PTPRD: variants seen among roughly 807,000 people sequenced by gnomAD.
PTPRD encodes the protein receptor-type tyrosine-protein phosphatase delta.
In PTPRD, 34 loss-of-function variants were observed where a neutral mutation model predicts 214.5. The observed-to-expected ratio is 0.16, with a 90% CI of 0.12 to 0.21. PTPRD has a LOEUF of 0.21. Ranked by LOEUF, PTPRD falls within the 10% of genes least tolerant of loss-of-function variation. The pLI is 1.00. For missense variants in PTPRD, 2,545 were observed against 2,398.7 expected, an observed-to-expected ratio of 1.06 and a Z score of -1.27; for synonymous variants, 1,128 against 845.7, an observed-to-expected ratio of 1.33 and a Z score of -5.79.
At chr9:9,220,260 C>A (rs955267519) in intron 9 of PTPRD, among the ~76,000 whole-genome samples, 1 of 150,420 alleles carries the variant, frequency 6.6e-6, no homozygotes, top group African/African-American at 2.4e-5. Flanking sequence ...TCTTTTAGTG[C>A]TCTGCCTATG....
At chr9:9,274,078 A>AT (rs745852795) in intron 9 of PTPRD, among the ~76,000 whole-genome samples, 20 of 151,110 alleles carry the variant, frequency 1.3e-4, no homozygotes, top group Non-Finnish European at 2.4e-4. Flanking sequence ...CCTGTATACT[A>AT]TTTTTTTAAA....
chr9:10,540,266 G>C (rs571545224), intron 2 of PTPRD, among the ~76,000 whole-genome samples: 1 of 152,148 alleles, frequency 6.6e-6, no homozygotes, highest in Non-Finnish European at 1.5e-5. Context: ...GACCTAAAGT[G>C]ATCTTCCTGC....
chr9:10,376,071 G>T (rs751993917), intron 2 of PTPRD, among the ~76,000 whole-genome samples: 1 of 151,846 alleles, frequency 6.6e-6, no homozygotes, highest in Non-Finnish European at 1.5e-5. Flanking sequence ...CTGTGTAAGG[G>T]ACTATGGCTG....
intron 4 of PTPRD, among the ~76,000 whole-genome samples, chr9:9,958,558 A>C (rs985220110): frequency 1.3e-5 from 2 of 152,136 alleles, no homozygotes; most frequent in Non-Finnish European, 2.9e-5. Context: ...GCAACAAAAC[A>C]AACAAAAACA....
chr9:9,623,838 G>A (rs2095328494), intron 7 of PTPRD, among the ~76,000 whole-genome samples: 1 of 152,148 alleles, frequency 6.6e-6, no homozygotes, highest in Admixed American at 6.5e-5. Context: ...AAGAAACAGT[G>A]CTTCTTACAA....
chr9:9,845,557 G>A (rs7863526), intron 5 of PTPRD, among the ~76,000 whole-genome samples: 124,386 of 151,620 alleles, frequency 0.82, 51,476 homozygotes, highest in East Asian at 0.93. Flanking sequence ...AAGGACTTCT[G>A]ATATGGCTAG....
chr9:9,058,862 T>C (rs2099701922), intron 10 of PTPRD, among the ~76,000 whole-genome samples: 1 of 152,072 alleles, frequency 6.6e-6, no homozygotes, highest in Non-Finnish European at 1.5e-5. Flanking sequence ...AATAAGGTAA[T>C]GTAATTCCTC....
intron 11 of PTPRD, among the ~76,000 whole-genome samples, chr9:8,816,359 A>G (rs185657302): frequency 2.0e-5 from 3 of 152,334 alleles, no homozygotes; most frequent in East Asian, 3.9e-4. Context: ...TCAGCTATGG[A>G]AAGAATGAGA....
rs530666163 is a variant in PTPRD, at chr9:10,359,767, T to C, written c.-599-18750A>G. On this transcript the variant is annotated intron_variant, in intron 2 of 45. Coordinates refer to ENST00000381196, the MANE Select transcript of PTPRD (RefSeq NM_002839.4). ...TTGCATAAATTATTCTGCTTAACAA[T>C]TTTAGTGTACACTAGGGGATACTGT... is the stretch of plus-strand genomic sequence containing the variant. 2.6e-5 allele frequency among the ~76,000 whole-genome samples: 4 copies of C among 152,286 alleles called. No homozygotes were observed. The South Asian group carries it at 8.3e-4, about 32-fold the overall frequency.
At chr9:10,592,445 T>C (rs1354114290) in intron 2 of PTPRD, among the ~76,000 whole-genome samples, 1 of 151,988 alleles carries the variant, frequency 6.6e-6, no homozygotes, top group Admixed American at 6.6e-5. Context: ...GGAGAAGATA[T>C]TGAAGGACAG....
At chr9:8,569,017 A>G (rs950951537) in intron 14 of PTPRD, among the ~76,000 whole-genome samples, 2 of 152,138 alleles carry the variant, frequency 1.3e-5, no homozygotes, top group Non-Finnish European at 1.5e-5. Flanking sequence ...CTGACTTTAA[A>G]CAAAATCATG....
chr9:9,868,710 A>G (rs1308238384), intron 5 of PTPRD, among the ~76,000 whole-genome samples: 1 of 149,038 alleles, frequency 6.7e-6, no homozygotes, highest in African/African-American at 2.6e-5. Flanking sequence ...GAATATCCTA[A>G]TAATATACTT....
intron 3 of PTPRD, among the ~76,000 whole-genome samples, chr9:10,142,838 T>C (rs291284): frequency 0.97 from 130,090 of 133,624 alleles, 63,347 homozygotes; most frequent in East Asian, 0.99. Context: ...ATGTTTATTG[T>C]GGCATTATTC....
chr9:8,965,781 T>C (rs2099190237), intron 11 of PTPRD, among the ~76,000 whole-genome samples: 1 of 152,112 alleles, frequency 6.6e-6, no homozygotes, highest in Non-Finnish European at 1.5e-5. Context: ...TCAGAAGTTC[T>C]AGCCAGAGCA....
chr9:10,090,263 T>C (rs2098412950), intron 3 of PTPRD, among the ~76,000 whole-genome samples: 1 of 151,670 alleles, frequency 6.6e-6, no homozygotes, highest in African/African-American at 2.4e-5. Flanking sequence ...GATTTAGTGT[T>C]TATTCATTCT....
At chr9:8,949,264 A>C (rs1240935621) in intron 11 of PTPRD, among the ~76,000 whole-genome samples, 1 of 151,948 alleles carries the variant, frequency 6.6e-6, no homozygotes, top group East Asian at 1.9e-4. Flanking sequence ...TTCTATCATG[A>C]AATAAAACTA....
chr9:10,435,677 C>G (rs1018033173), intron 2 of PTPRD, among the ~76,000 whole-genome samples: 1 of 151,828 alleles, frequency 6.6e-6, no homozygotes, highest in African/African-American at 2.4e-5. Flanking sequence ...AAATGAATAT[C>G]TGGATGAATA....
At chr9:9,731,374 A>C (rs768372917) in intron 7 of PTPRD, among the ~76,000 whole-genome samples, 2 of 152,168 alleles carry the variant, frequency 1.3e-5, no homozygotes, top group African/African-American at 4.8e-5. Flanking sequence ...TGTTTTTCAA[A>C]TACTATTAAC....
At chr9:9,199,875 G>C (rs1488436713) in intron 9 of PTPRD, among the ~76,000 whole-genome samples, 2 of 152,072 alleles carry the variant, frequency 1.3e-5, no homozygotes, top group Non-Finnish European at 2.9e-5. Context: ...ACTGGACTTG[G>C]CATTAGAGAA....
Sources: gnomAD v4.1 joint callset for allele counts (sites outside exome capture counted in the v4.1 genomes callset) on GRCh38, gnomAD v4.1.1 for gene constraint, MANE v1.5 for transcripts, NCBI Gene and HGNC (gene_info 2026-07-23, HGNC 2026-07-21) for gene names.